Variants in RPSA2 observed in about 807,000 individuals in gnomAD.
RPSA2 encodes ribosomal protein SA 2, also known as small ribosomal subunit protein uS2B.
the RPSA2 span, among the ~76,000 whole-genome samples, chr19:23,839,062 G>A: frequency 4.4e-4 from 67 of 152,048 alleles, no homozygotes; most frequent in Non-Finnish European, 6.5e-4. Context: ...ACTTTTTGAT[G>A]TAGGCATTTA....
chr19:23,863,641 G>C, the RPSA2 span, among the ~76,000 whole-genome samples: 1 of 150,984 alleles, frequency 6.6e-6, no homozygotes, highest in African/African-American at 2.4e-5. Flanking sequence ...TGGTGTATAG[G>C]ACTTGATTTC....
chr19:23,805,548 A>G, the RPSA2 span, among the ~76,000 whole-genome samples: 1 of 94,432 alleles, frequency 1.1e-5, no homozygotes, highest in African/African-American at 4.0e-5. Flanking sequence ...TTCTGCCTTT[A>G]GGTGTGGTGG....
the RPSA2 span, among the ~76,000 whole-genome samples, chr19:23,820,901 ACTGCTTCTAT>A: frequency 6.6e-6 from 1 of 152,106 alleles, no homozygotes; most frequent in Non-Finnish European, 1.5e-5. Context: ...CCAGTACAAA[ACTGCTTCTAT>A]CTGTAAAGTA....
chr19:23,825,798 AGGCTGGTCTT>A, the RPSA2 span, among the ~76,000 whole-genome samples: 1 of 152,116 alleles, frequency 6.6e-6, no homozygotes, highest in Non-Finnish European at 1.5e-5. Context: ...CATGTTGGTC[AGGCTGGTCTT>A]GAACTCCCAA....
the RPSA2 span, among the ~76,000 whole-genome samples, chr19:23,834,564 AAG>A: frequency 1.3e-5 from 2 of 152,080 alleles, no homozygotes; most frequent in Non-Finnish European, 2.9e-5. Flanking sequence ...ATTATTATGA[AAG>A]AAAAATATTC....
chr19:23,801,053 T>G, the RPSA2 span, among the ~76,000 whole-genome samples: 1 of 152,206 alleles, frequency 6.6e-6, no homozygotes, highest in Non-Finnish European at 1.5e-5. Context: ...TGAGTAGACA[T>G]GGAGACATGA....
At chr19:23,830,563 T>C in the RPSA2 span, among the ~76,000 whole-genome samples, 13 of 93,362 alleles carry the variant, frequency 1.4e-4, no homozygotes, top group Middle Eastern at 0.011. Flanking sequence ...GTTGTACTTC[T>C]TTATTTTTAC....
chr19:23,844,758 G>A, the RPSA2 span, among the ~76,000 whole-genome samples: 6 of 151,454 alleles, frequency 4.0e-5, no homozygotes, highest in African/African-American at 7.3e-5. Flanking sequence ...GGCTAGTTTT[G>A]GTAGCAGGGT....
the RPSA2 span, among the ~76,000 whole-genome samples, chr19:23,858,544 C>A: frequency 6.6e-6 from 1 of 152,166 alleles, no homozygotes; most frequent in Non-Finnish European, 1.5e-5. Flanking sequence ...GCAAGGAAGT[C>A]CTTGGTAAAG....
the RPSA2 span, among the ~76,000 whole-genome samples, chr19:23,860,598 G>A: frequency 1.3e-5 from 2 of 149,976 alleles, no homozygotes; most frequent in Non-Finnish European, 3.0e-5. Context: ...CCCAATGCAA[G>A]CTTGCTGATA....
At chr19:23,761,557 C>T in the RPSA2 span, among the ~76,000 whole-genome samples, 1 of 152,128 alleles carries the variant, frequency 6.6e-6, no homozygotes, top group Admixed American at 6.5e-5. Flanking sequence ...GCCCTGTAAA[C>T]TATCACTGTT....
chr19:23,858,871 C>T, the RPSA2 span, among the ~76,000 whole-genome samples: 3 of 152,164 alleles, frequency 2.0e-5, no homozygotes, highest in South Asian at 4.1e-4. Flanking sequence ...ACACCTGATC[C>T]AACCAATCTT....
chr19:23,867,770 C>A, the RPSA2 span, among the ~76,000 whole-genome samples: 1 of 147,806 alleles, frequency 6.8e-6, no homozygotes, highest in Non-Finnish European at 1.5e-5. Context: ...GCAGAGCTTG[C>A]AGTGAGCAGA....
At chr19:23,840,508 A>T in the RPSA2 span, among the ~76,000 whole-genome samples, 2 of 152,232 alleles carry the variant, frequency 1.3e-5, no homozygotes, top group Admixed American at 6.5e-5. Context: ...TGAATGCTCC[A>T]TCAGCTCTAT....
the RPSA2 span, among the ~76,000 whole-genome samples, chr19:23,786,114 C>G: frequency 6.6e-6 from 1 of 152,174 alleles, no homozygotes; most frequent in Non-Finnish European, 1.5e-5. Flanking sequence ...GGTGAAAATT[C>G]TATCTGGACC....
At chr19:23,844,683 T>A in the RPSA2 span, among the ~76,000 whole-genome samples, 1 of 118,310 alleles carries the variant, frequency 8.5e-6, no homozygotes, top group African/African-American at 3.1e-5. Context: ...TTAGTTTGAA[T>A]CTAATTTGTC....
chr19:23,765,602 C>T, the RPSA2 span, among the ~76,000 whole-genome samples: 4 of 152,044 alleles, frequency 2.6e-5, no homozygotes, highest in African/African-American at 4.8e-5. Flanking sequence ...CACATAGACC[C>T]GTAGAGGGGA....
At chr19:23,823,070 C>T in the RPSA2 span, among the ~76,000 whole-genome samples, 1 of 152,142 alleles carries the variant, frequency 6.6e-6, no homozygotes, top group South Asian at 2.1e-4. Flanking sequence ...AAATACATAG[C>T]CAATTGTTTC....
chr19:23,806,231 G>GA, the RPSA2 span, among the ~76,000 whole-genome samples: 1 of 151,722 alleles, frequency 6.6e-6, no homozygotes, highest in Non-Finnish European at 1.5e-5. Context: ...TTTTAGTAGA[G>GA]ACGGGGTTTT....
Sources: allele counts gnomAD v4.1 joint callset (sites outside exome capture counted in the v4.1 genomes callset), GRCh38; gene constraint gnomAD v4.1.1; transcripts MANE v1.5; gene names NCBI Gene and HGNC (gene_info 2026-07-23, HGNC 2026-07-21).